CSMD1: variants seen among roughly 807,000 people sequenced by gnomAD.
CSMD1 encodes the protein CUB and sushi domain-containing protein 1.
Under a neutral mutation model 417.5 loss-of-function variants are expected in CSMD1, and 213 were observed. That is an observed-to-expected ratio of 0.51 (90% CI 0.46 to 0.57). CSMD1 has a LOEUF of 0.57. Among genes scored for constraint, CSMD1 ranks in the 20% least tolerant of loss-of-function variants. CSMD1 has a pLI of 0.00. For synonymous variants in CSMD1, 2,862 were observed against 1,736.8 expected (o/e 1.65, Z -16.11); for missense variants, 6,923 against 4,529.7 (o/e 1.53, Z -15.17).
chr8:3,814,718 T>C (rs2954203), intron 5 of CSMD1, among the ~76,000 whole-genome samples: 1 of 151,952 alleles, frequency 6.6e-6, no homozygotes, highest in Non-Finnish European at 1.5e-5. Context: ...GATTCTGAAG[T>C]AGAAATCTTA....
In CSMD1 at chr8:3,915,480, C is replaced by G. The variant is rs149575898; in HGVS notation, c.818+82423G>C. 4.3e-4 allele frequency among the ~76,000 whole-genome samples: 64 copies of G among 149,544 alleles called. No homozygotes were observed. In the Middle Eastern group the frequency reaches 0.011, roughly 25 times the overall value. On this transcript the variant is annotated intron_variant, in intron 5 of 69. Coordinates refer to ENST00000635120, the MANE Select transcript of CSMD1 (RefSeq NM_033225.6). ...TCACTTCAAGGACTTCAGGGAAGTGCAGGAAAGGATGACATGAAACAGGAC... is the reference window on the plus strand; with the variant it reads ...TCACTTCAAGGACTTCAGGGAAGTGGAGGAAAGGATGACATGAAACAGGAC...
chr8:4,992,249 T>C (rs953579527), intron 1 of CSMD1, among the ~76,000 whole-genome samples: 1 of 150,336 alleles, frequency 6.7e-6, no homozygotes, highest in African/African-American at 2.5e-5. Flanking sequence ...CTCAGCCTCA[T>C]CCTAGCGCTG....
chr8:4,072,337 A>G (rs910516564), intron 3 of CSMD1, among the ~76,000 whole-genome samples: 1 of 152,218 alleles, frequency 6.6e-6, no homozygotes, highest in Non-Finnish European at 1.5e-5. Flanking sequence ...TCTACTTGAC[A>G]CAAACGTACA....
chr8:3,620,280 G>A (rs1013778327), intron 7 of CSMD1, among the ~76,000 whole-genome samples: 1 of 146,450 alleles, frequency 6.8e-6, no homozygotes, highest in African/African-American at 2.8e-5. Context: ...TTCCCTACAA[G>A]AAAGTCCTTC....
rs548778873 is a variant in CSMD1, at chr8:4,849,091, C to T, written c.85+145241G>A. ...TGGGACAAAATTTGGTGGTAGAAGA[C>T]AGTGATATGTATGATTCTGACCTTG... On this transcript the variant is annotated intron_variant, in intron 1 of 69. Coordinates refer to ENST00000635120, the MANE Select transcript of CSMD1 (RefSeq NM_033225.6). 1.3e-3 allele frequency among the ~76,000 whole-genome samples: 197 copies of T among 152,210 alleles called. 6 individuals carry two copies. Among genetic ancestry groups the T allele is most frequent in the Admixed American group, 1.3e-3 (20 of 15,292 alleles).
intron 10 of CSMD1, among the ~76,000 whole-genome samples, chr8:3,511,809 T>TAAC: frequency 7.2e-6 from 1 of 139,576 alleles, no homozygotes; most frequent in South Asian, 2.2e-4. Context: ...TAACATAACA[T>TAAC]AACATAACAT....
chr8:4,700,599 T>G (rs1385039041), intron 1 of CSMD1, among the ~76,000 whole-genome samples: 1 of 152,052 alleles, frequency 6.6e-6, no homozygotes, highest in Non-Finnish European at 1.5e-5. Flanking sequence ...GTGAAATAAT[T>G]GGGTATCATT....
intron 12 of CSMD1, among the ~76,000 whole-genome samples, chr8:3,413,549 C>A (rs1329497469): frequency 6.6e-6 from 1 of 152,160 alleles, no homozygotes; most frequent in Non-Finnish European, 1.5e-5. Flanking sequence ...TTTCACCTAG[C>A]TTTTGTCCTT....
chr8:4,402,008 G>A (rs770278904), intron 3 of CSMD1, among the ~76,000 whole-genome samples: 24 of 151,892 alleles, frequency 1.6e-4, no homozygotes, highest in Non-Finnish European at 2.9e-4. Context: ...CATTCCTGCT[G>A]CTACCACTGT....
intron 3 of CSMD1, among the ~76,000 whole-genome samples, chr8:4,137,835 G>T (rs534998047): frequency 6.7e-6 from 1 of 150,282 alleles, no homozygotes; most frequent in Non-Finnish European, 1.5e-5. Flanking sequence ...AACTCAGTTA[G>T]TGTTATTTTA....
chr8:3,093,893 G>A (rs1287386994), intron 47 of CSMD1, among the ~76,000 whole-genome samples: 1 of 152,146 alleles, frequency 6.6e-6, no homozygotes, highest in Non-Finnish European at 1.5e-5. Flanking sequence ...CCTGGGAGAT[G>A]CCCTGCAAAA....
intron 2 of CSMD1, among the ~76,000 whole-genome samples, chr8:4,482,182 A>G (rs796140267): frequency 1.3e-5 from 2 of 152,284 alleles, no homozygotes; most frequent in African/African-American, 4.8e-5. Flanking sequence ...TGTATAGATT[A>G]TTTCACCCCC....
intron 3 of CSMD1, among the ~76,000 whole-genome samples, chr8:4,038,906 C>T (rs780747255): frequency 6.6e-6 from 1 of 152,124 alleles, no homozygotes; most frequent in East Asian, 1.9e-4. Flanking sequence ...CGAAAATTCC[C>T]TCCGTAACAC....
intron 10 of CSMD1, among the ~76,000 whole-genome samples, chr8:3,529,403 G>A (rs749962668): frequency 3.9e-5 from 6 of 152,054 alleles, no homozygotes; most frequent in Non-Finnish European, 8.8e-5. Context: ...TATTGAAGGA[G>A]ATGGGGGGTT....
intron 3 of CSMD1, among the ~76,000 whole-genome samples, chr8:4,066,538 G>C (rs1799259232): frequency 6.6e-6 from 1 of 152,124 alleles, no homozygotes; most frequent in African/African-American, 2.4e-5. Context: ...GTATCTACCT[G>C]AAATTTTACC....
At chr8:3,440,484 T>G (rs184753571) in intron 12 of CSMD1, among the ~76,000 whole-genome samples, 5 of 152,344 alleles carry the variant, frequency 3.3e-5, no homozygotes, top group Admixed American at 3.3e-4. Context: ...ATTTTGTTGT[T>G]GTTGTTCATC....
At chr8:4,582,813 C>T (rs566329962) in intron 2 of CSMD1, among the ~76,000 whole-genome samples, 2 of 152,200 alleles carry the variant, frequency 1.3e-5, no homozygotes, top group Non-Finnish European at 2.9e-5. Flanking sequence ...CCTCAGCTTG[C>T]GGGGAGGTGT....
chr8:4,458,593 A>G (rs1799625310), intron 2 of CSMD1, among the ~76,000 whole-genome samples: 1 of 152,240 alleles, frequency 6.6e-6, no homozygotes, highest in Non-Finnish European at 1.5e-5. Context: ...ATACAAGGAA[A>G]AAAAAGAAAA....
chr8:4,882,140 C>T lies in CSMD1; in HGVS notation c.85+112192G>A, dbSNP rs138351794. Among the ~76,000 whole-genome samples the T allele has an allele frequency of 7.3e-4, 111 of 152,144 alleles. 1 individual carries two copies. The highest frequency in any genetic ancestry group is 3.4e-3 in the Middle Eastern group (1 of 292). Reference sequence around the variant, plus strand: ...TAAACTAGAGTAGGCTGATGAAGCACATGTAGTTACAAGTGCTGGAAATCC... The same window carrying T: ...TAAACTAGAGTAGGCTGATGAAGCATATGTAGTTACAAGTGCTGGAAATCC... On this transcript the variant is annotated intron_variant, in intron 1 of 69. Transcript: ENST00000635120.
Sources: allele counts gnomAD v4.1 joint callset (sites outside exome capture counted in the v4.1 genomes callset), GRCh38; gene constraint gnomAD v4.1.1; transcripts MANE v1.5; gene names NCBI Gene and HGNC (gene_info 2026-07-23, HGNC 2026-07-21).